The following NXN variants were observed in gnomAD, a reference collection of about 807,000 sequenced individuals.
NXN encodes the protein nucleoredoxin 1.
Under a neutral mutation model 48.6 loss-of-function variants are expected in NXN, and 16 were observed. That is an observed-to-expected ratio of 0.33 (90% confidence interval 0.22 to 0.50). The LOEUF (loss-of-function observed/expected upper bound fraction) is 0.50, where lower values mean the gene tolerates loss of function less well. Ranked by LOEUF, NXN falls within the 20% of genes least tolerant of loss-of-function variation. The pLI is 0.98. For synonymous variants in NXN, 281 were observed against 269.6 expected, an observed-to-expected ratio of 1.04 and a Z score of -0.41; for missense variants, 492 against 605.5, an observed-to-expected ratio of 0.81 and a Z score of 1.97.
At chr17:975,001 T>G (rs2069441681) in intron 1 of NXN, among the ~76,000 whole-genome samples, 1 of 151,998 alleles carries the variant, frequency 6.6e-6, no homozygotes, top group Non-Finnish European at 1.5e-5. Flanking sequence ...TAATTGTTAT[T>G]TTTTGCAAAG....
rs1179443534 is a variant in NXN at position 800,638 on chromosome 17, C to G, written c.*311G>C. 9.9e-6 allele frequency: 2 copies of G among 202,296 alleles called. No homozygotes were observed. Among genetic ancestry groups the G allele is most frequent in the African/African-American group, 4.6e-5 (2 of 43,474 alleles). 12.5% of individuals were successfully genotyped at this position (202,296 alleles called of 1,614,324 possible). On this transcript the variant is annotated 3_prime_UTR_variant, in exon 8 of 8. Coordinates refer to ENST00000336868, the MANE Select transcript of NXN (RefSeq NM_022463.5). Reference sequence around the variant, plus strand: ...ACCGGCCCTCCACGCTCACTCTGCCCAGGACACCCTGGCAGATCCTTCACC... The same window carrying G: ...ACCGGCCCTCCACGCTCACTCTGCCGAGGACACCCTGGCAGATCCTTCACC...
At chr17:838,928 T>A (rs888360298) in intron 1 of NXN, among the ~76,000 whole-genome samples, 1 of 152,166 alleles carries the variant, frequency 6.6e-6, no homozygotes, top group Non-Finnish European at 1.5e-5. Flanking sequence ...CCGTGTGGGA[T>A]AGATCAAACG....
intron 1 of NXN, among the ~76,000 whole-genome samples, chr17:841,915 T>C (rs910407892): frequency 1.3e-5 from 2 of 152,282 alleles, no homozygotes; most frequent in East Asian, 3.9e-4. Flanking sequence ...GGTGGGCGGA[T>C]CACCTGAGCT....
intron 7 of NXN, 120 bp downstream of exon 7, chr17:803,562 T>A (rs914166213): frequency 1.5e-6 from 2 of 1,290,860 alleles, no homozygotes; most frequent in Non-Finnish European, 2.2e-6. Context: ...GTGGGCTCTC[T>A]CAGAAGCACA....
chr17:855,564 ACT>A (rs971611815), intron 1 of NXN, among the ~76,000 whole-genome samples: 1 of 151,686 alleles, frequency 6.6e-6, no homozygotes, highest in Non-Finnish European at 1.5e-5. Context: ...AATTAGCAGA[ACT>A]CTCTCTCTCT....
chr17:969,030 C>A (rs1015883617), intron 1 of NXN, among the ~76,000 whole-genome samples: 1 of 151,970 alleles, frequency 6.6e-6, no homozygotes, highest in Non-Finnish European at 1.5e-5. Context: ...TCTCTAGATA[C>A]AAATAAATAA....
chr17:915,143 C>T (rs553261501), intron 1 of NXN, among the ~76,000 whole-genome samples: 33 of 152,226 alleles, frequency 2.2e-4, no homozygotes, highest in Non-Finnish European at 4.1e-4. Flanking sequence ...ACCATATTGG[C>T]CAGGCTGGCC....
rs186025903 is a variant in NXN, at chr17:874,210, T to C, written c.361-48132A>G. Among the ~76,000 whole-genome samples, 14 of 152,332 alleles carry C rather than the reference T, an allele frequency of 9.2e-5. No individual in the cohort carries two copies. The East Asian group carries it at 2.7e-3, about 29-fold the overall frequency. On this transcript the variant is annotated intron_variant, in intron 1 of 7. Coordinates refer to ENST00000336868, the MANE Select transcript of NXN (RefSeq NM_022463.5). The stretch of plus-strand genomic sequence containing the variant: ...ACCATGTGAAGAAGGATGTGTTTGC[T>C]TCCCTTTCCCCCATGATTGTAAGTT...
chr17:881,401 AT>A (rs1297825044), intron 1 of NXN, among the ~76,000 whole-genome samples: 2 of 151,792 alleles, frequency 1.3e-5, no homozygotes, highest in East Asian at 1.9e-4. Context: ...ACACTCGAAA[AT>A]TTTCCATTGA....
intron 1 of NXN, among the ~76,000 whole-genome samples, chr17:918,988 C>G (rs2068718180): frequency 6.6e-6 from 1 of 151,532 alleles, no homozygotes; most frequent in African/African-American, 2.4e-5. Context: ...TCACTTGAGG[C>G]CAGGAGTTTG....
Position 979,356 on chromosome 17 carries a change from G to T in NXN, c.323C>A (p.Pro108Gln). ...CTCCTTGTAGGGCAGCGCCAGCCAC[G>T]GCATGTCCCGCACGAAGTCCTGCCA... ...RQWQDFVRDM[P>Q]WLALPYKEKH... Residue 108 changes from proline to glutamine, a missense_variant, in exon 1 of 8, where the codon CCG becomes CAG. Transcript: ENST00000336868. The T allele has an allele frequency of 6.5e-7, 1 of 1,542,964 alleles. No individual in the cohort carries two copies.
intron 1 of NXN, among the ~76,000 whole-genome samples, chr17:851,700 T>C (rs975126589): frequency 2.0e-5 from 3 of 152,210 alleles, no homozygotes; most frequent in African/African-American, 7.2e-5. Context: ...TATTTACTTA[T>C]TTTGCTTTGA....
At chr17:974,373 A>G (rs569683761) in intron 1 of NXN, among the ~76,000 whole-genome samples, 19 of 152,116 alleles carry the variant, frequency 1.2e-4, no homozygotes, top group South Asian at 6.2e-4. Flanking sequence ...AGATATATAT[A>G]TATAGATATA....
chr17:924,004 T>G (rs2068772818), intron 1 of NXN, among the ~76,000 whole-genome samples: 3 of 152,196 alleles, frequency 2.0e-5, no homozygotes, highest in Admixed American at 2.0e-4. Flanking sequence ...TGCAAAATGT[T>G]AGCAGTGGGG....
intron 1 of NXN, among the ~76,000 whole-genome samples, chr17:927,746 G>GT (rs2068815755): frequency 6.6e-6 from 1 of 152,116 alleles, no homozygotes. Flanking sequence ...CAGCCAGACA[G>GT]CACTGGCTCT....
chr17:826,223 C>T (rs559637007), intron 1 of NXN, 145 bp from the exon 2 acceptor site: 1 of 711,786 alleles, frequency 1.4e-6, no homozygotes, highest in East Asian at 2.7e-5. Flanking sequence ...AGCAGGGCTG[C>T]TGGGCAAAGG....
chr17:927,418 C>T (rs953923863), intron 1 of NXN, among the ~76,000 whole-genome samples: 8 of 151,838 alleles, frequency 5.3e-5, no homozygotes, highest in African/African-American at 7.3e-5. Context: ...GGACCAGCCT[C>T]GGCAACAAGG....
At chr17:846,970 C>A (rs376343525) in intron 1 of NXN, among the ~76,000 whole-genome samples, 3 of 152,138 alleles carry the variant, frequency 2.0e-5, no homozygotes, top group Admixed American at 1.3e-4. Context: ...CGAAACTTTC[C>A]GCAGCTTCTG....
intron 5 of NXN, among the ~76,000 whole-genome samples, chr17:806,735 G>A (rs747302211): frequency 6.6e-6 from 1 of 152,146 alleles, no homozygotes; most frequent in Non-Finnish European, 1.5e-5. Context: ...CGAGGTACCA[G>A]ACATATGGCC....
Sources: allele counts gnomAD v4.1 joint callset (sites outside exome capture counted in the v4.1 genomes callset), GRCh38; gene constraint gnomAD v4.1.1; transcripts MANE v1.5; gene names NCBI Gene and HGNC (gene_info 2026-07-23, HGNC 2026-07-21).